Variants in SYT16 observed in about 807,000 individuals in gnomAD.
SYT16 encodes synaptotagmin-16.
Under a neutral mutation model 61.4 loss-of-function variants are expected in SYT16, and 42 were observed. The observed-to-expected ratio is 0.68, with a 90% CI of 0.53 to 0.89. The LOEUF is 0.89. Ranked by LOEUF, SYT16 falls within the 40% of genes least tolerant of loss-of-function variation. SYT16 has a pLI of 0.00. For synonymous variants in SYT16, 314 were observed against 302.3 expected, an observed-to-expected ratio of 1.04 and a Z score of -0.40; for missense variants, 804 against 807.3, an observed-to-expected ratio of 1.00 and a Z score of 0.05.
intron 1 of SYT16, among the ~76,000 whole-genome samples, chr14:61,847,329 A>G (rs927124531): frequency 2.6e-5 from 4 of 152,158 alleles, no homozygotes; most frequent in African/African-American, 4.8e-5. Flanking sequence ...ATACTATTCT[A>G]TGGTAAAAGT....
chr14:62,049,297 A>T (rs2055156444), intron 3 of SYT16, among the ~76,000 whole-genome samples: 1 of 152,078 alleles, frequency 6.6e-6, no homozygotes, highest in African/African-American at 2.4e-5. Context: ...TAGGATTGCA[A>T]GCCCTGCCTT....
intron 3 of SYT16, among the ~76,000 whole-genome samples, chr14:62,050,710 G>T (rs912225286): frequency 5.3e-5 from 8 of 152,170 alleles, no homozygotes; most frequent in Non-Finnish European, 8.8e-5. Context: ...CTCAGCTGCA[G>T]GTCTGTTGGA....
At chr14:61,929,818 T>C (rs1454510913) in intron 1 of SYT16, among the ~76,000 whole-genome samples, 2 of 152,236 alleles carry the variant, frequency 1.3e-5, no homozygotes, top group African/African-American at 4.8e-5. Context: ...AATATGGTTT[T>C]AAATGTTGCT....
chr14:62,042,182 T>C (rs143458649), intron 3 of SYT16, among the ~76,000 whole-genome samples: 196 of 152,258 alleles, frequency 1.3e-3, no homozygotes, highest in African/African-American at 4.3e-3. Context: ...TTGCTTTTTT[T>C]TGTGGGGGTG....
chr14:61,933,230 C>T (rs1361806168), intron 1 of SYT16, among the ~76,000 whole-genome samples: 2 of 152,078 alleles, frequency 1.3e-5, no homozygotes, highest in African/African-American at 2.4e-5. Flanking sequence ...AGATGAGAGC[C>T]GGGAGGAGGG....
chr14:62,045,656 T>G (rs1165124151), intron 3 of SYT16, among the ~76,000 whole-genome samples: 2 of 152,114 alleles, frequency 1.3e-5, no homozygotes, highest in Admixed American at 6.5e-5. Flanking sequence ...CTTGTGTCCA[T>G]GTGTTCTCAT....
intron 4 of SYT16, among the ~76,000 whole-genome samples, chr14:62,071,062 A>G (rs1292554197): frequency 6.6e-6 from 1 of 152,196 alleles, no homozygotes; most frequent in East Asian, 1.9e-4. Flanking sequence ...ACATAAGCCA[A>G]CATCATGTAT....
intron 1 of SYT16, among the ~76,000 whole-genome samples, chr14:61,828,500 C>CTTT (rs140563010): frequency 0.022 from 3,403 of 152,256 alleles, 60 homozygotes; most frequent in African/African-American, 0.052. Flanking sequence ...CTAAAAATGT[C>CTTT]TTGATTTCCC....
intron 1 of SYT16, among the ~76,000 whole-genome samples, chr14:61,880,916 T>G (rs1209258404): frequency 6.6e-6 from 1 of 152,164 alleles, no homozygotes; most frequent in African/African-American, 2.4e-5. Flanking sequence ...CTTCTACTTT[T>G]AAACAACTTG....
chr14:62,033,619 T>C (rs1470257447), intron 3 of SYT16, among the ~76,000 whole-genome samples: 1 of 151,980 alleles, frequency 6.6e-6, no homozygotes, highest in African/African-American at 2.4e-5. Context: ...CCATAGGAAA[T>C]GGAAAGACAT....
chr14:61,891,412 T>A (rs557820739), intron 1 of SYT16, among the ~76,000 whole-genome samples: 6 of 152,174 alleles, frequency 3.9e-5, no homozygotes, highest in Non-Finnish European at 7.3e-5. Flanking sequence ...ATTAGGGAGA[T>A]TCAGAACAAT....
intron 3 of SYT16, among the ~76,000 whole-genome samples, chr14:62,022,091 T>C (rs912541314): frequency 9.9e-5 from 15 of 151,488 alleles, no homozygotes; most frequent in African/African-American, 3.2e-4. Context: ...ATGGGAAGAG[T>C]ATTATAATTC....
At chr14:61,923,670 A>G (rs1324382379) in intron 1 of SYT16, among the ~76,000 whole-genome samples, 1 of 152,148 alleles carries the variant, frequency 6.6e-6, no homozygotes, top group African/African-American at 2.4e-5. Context: ...TACTGAAGTT[A>G]TTGGGACGTA....
Position 62,000,098 on chromosome 14 carries a change from G to GGT in SYT16, c.523+3556_523+3557insGT, listed in dbSNP as rs1566751979. Among the ~76,000 whole-genome samples, 24 of 35,520 alleles carry GGT rather than the reference G, an allele frequency of 6.8e-4. 1 individual carries two copies. The highest frequency in any genetic ancestry group is 1.3e-3 in the Admixed American group (4 of 3,130). The allele number at this position is 35,520 out of a possible 152,430, so 23.3% of individuals were successfully genotyped here. A position where few individuals can be genotyped will look rare whatever the true frequency, so the allele number is the denominator to read the frequency against. On this transcript the variant is annotated intron_variant, in intron 3 of 7. Transcript: ENST00000683842. Reference sequence around the variant, plus strand: ...TTTTCTAATACTTATTTTGTCTCTCGATTTTTTTTTTTTTTTTTTTTTTTT... The same window carrying GGT: ...TTTTCTAATACTTATTTTGTCTCTCGGTATTTTTTTTTTTTTTTTTTTTTTTT...
In SYT16 at chr14:62,101,420, A is replaced by G. The variant is rs908251322; in HGVS notation, c.*713A>G. On this transcript the variant is annotated 3_prime_UTR_variant, in exon 8 of 8. Transcript: ENST00000683842. Reference sequence around the variant, plus strand: ...TCTCCTTTTGAATATGTAAGATTTCAAACTTGTGACTTTCAAGGTTTTTAT... The same window carrying G: ...TCTCCTTTTGAATATGTAAGATTTCGAACTTGTGACTTTCAAGGTTTTTAT... 1 of 152,208 alleles carries G rather than the reference A, an allele frequency of 6.6e-6. No individual in the cohort carries two copies. The highest frequency in any genetic ancestry group is 2.4e-5 in the African/African-American group (1 of 41,464). 9.4% of individuals were successfully genotyped at this position (152,208 alleles called of 1,614,324 possible). A position where few individuals can be genotyped will look rare whatever the true frequency, so the allele number is the denominator to read the frequency against.
intron 1 of SYT16, among the ~76,000 whole-genome samples, chr14:61,870,268 C>T (rs2047289615): frequency 6.6e-6 from 1 of 152,098 alleles, no homozygotes; most frequent in Admixed American, 6.5e-5. Flanking sequence ...CTATTTTGTT[C>T]ATTGCTTTAA....
Position 62,100,495 on chromosome 14 carries a change from A to T in SYT16, c.1726A>T (p.Thr576Ser). The T allele has an allele frequency of 6.2e-7, 1 of 1,613,560 alleles. No homozygotes were observed. Among genetic ancestry groups the T allele is most frequent in the Non-Finnish European group, 8.5e-7 (1 of 1,179,762 alleles). ...TCAGCCCAATCCTGTCTATAAGGAG[A>T]CCTTTGTTTTCCAGGTGGCCCTCTT... ...RGQPNPVYKE[T>S]FVFQVALFQL... The change falls in exon 8 of 8, where the codon ACC (threonine) becomes TCC (serine). Residue 576 changes from threonine (T) to serine (S), a missense_variant. Transcript: ENST00000683842.
At chr14:61,847,874 G>C (rs150375796) in intron 1 of SYT16, among the ~76,000 whole-genome samples, 86 of 152,228 alleles carry the variant, frequency 5.6e-4, no homozygotes, top group African/African-American at 2.1e-3. Flanking sequence ...GTCAATTGTA[G>C]TTTTTCAACT....
chr14:62,100,109 T>G (rs917894797), intron 7 of SYT16, among the ~76,000 whole-genome samples: 1 of 152,230 alleles, frequency 6.6e-6, no homozygotes, highest in African/African-American at 2.4e-5. Flanking sequence ...CGTATGCCTG[T>G]GCACGAATGT....
Sources: allele counts gnomAD v4.1 joint callset (sites outside exome capture counted in the v4.1 genomes callset), GRCh38; gene constraint gnomAD v4.1.1; transcripts MANE v1.5; gene names NCBI Gene and HGNC (gene_info 2026-07-23, HGNC 2026-07-21).